The following DNAJB4 variants were observed in gnomAD, a reference collection of about 807,000 sequenced individuals.
DNAJB4 encodes dnaJ homolog subfamily B member 4.
A neutral mutation model predicts 26.6 loss-of-function variants in DNAJB4; 10 were observed. The ratio of observed to expected loss-of-function variants is 0.38; its 90% CI spans 0.23 to 0.64. DNAJB4 has a LOEUF of 0.64. Among genes scored for constraint, DNAJB4 ranks in the 30% least tolerant of loss-of-function variants. The probability of loss-of-function intolerance (pLI) is 0.58; values close to 1 mark genes in which losing one functional copy is unlikely to be tolerated. For synonymous variants in DNAJB4, 136 were observed against 134.8 expected, an observed-to-expected ratio of 1.01 and a Z score of -0.06; for missense variants, 328 against 408.2, an observed-to-expected ratio of 0.80 and a Z score of 1.69.
rs182135679 is a variant in DNAJB4, at chr1:78,014,550, A to C, written c.780+931A>C. Reference sequence around the variant, plus strand: ...CTTAAAATAAGTCATTTTAAATCTGATGTCTACCCATAAAATGTATATGCA... The same window carrying C: ...CTTAAAATAAGTCATTTTAAATCTGCTGTCTACCCATAAAATGTATATGCA... On this transcript the variant is annotated intron_variant, in intron 2 of 2. Coordinates refer to ENST00000370763, the MANE Select transcript of DNAJB4 (RefSeq NM_007034.5). Among the ~76,000 whole-genome samples the C allele has an allele frequency of 2.5e-3, 386 of 152,256 alleles. 4 individuals carry two copies. The highest frequency in any genetic ancestry group is 9.0e-3 in the African/African-American group (372 of 41,534).
upstream of DNAJB4, among the ~76,000 whole-genome samples, chr1:78,000,598 T>C (rs1466475940): frequency 2.0e-5 from 3 of 152,224 alleles, no homozygotes; most frequent in African/African-American, 4.8e-5. Flanking sequence ...TAAAGCACTG[T>C]TAACAGAGTT....
Position 77,993,700 on chromosome 1 carries a change from G to C in DNAJB4, c.-31-11380G>C, listed in dbSNP as rs78278019. On this transcript the variant is annotated intron_variant, in intron 1 of 2. Coordinates refer to the DNAJB4 transcript ENST00000426517. ...GTTACATGTAACAGTATAGCACAGTGGGGTCTCAGTAATGGTTGGCTTGAT... is the reference window on the plus strand; with the variant it reads ...GTTACATGTAACAGTATAGCACAGTCGGGTCTCAGTAATGGTTGGCTTGAT... Among the ~76,000 whole-genome samples, 997 of 152,210 alleles carry C rather than the reference G, an allele frequency of 6.6e-3. 48 individuals carry two copies. The East Asian group carries it at 0.098, about 15-fold the overall frequency.
At chr1:77,996,649 G>A (rs1660066223) in intron 1 of DNAJB4, among the ~76,000 whole-genome samples, 1 of 151,864 alleles carries the variant, frequency 6.6e-6, no homozygotes. Context: ...AGTGCTTCGG[G>A]GAAAGTATTA....
chr1:77,999,926 G>A (rs1471997366), intron 1 of DNAJB4, among the ~76,000 whole-genome samples: 2 of 152,194 alleles, frequency 1.3e-5, no homozygotes. Flanking sequence ...ACTGAGATAT[G>A]TGAGGCATCA....
intron 2 of DNAJB4, among the ~76,000 whole-genome samples, chr1:78,015,486 A>C (rs1284491448): frequency 8.7e-6 from 1 of 114,388 alleles, no homozygotes; most frequent in African/African-American, 3.3e-5. Flanking sequence ...CTAATAATGC[A>C]TGTCCTGAAG....
chr1:78,008,206 AG>A (rs1299634354), intron 1 of DNAJB4, among the ~76,000 whole-genome samples: 3 of 152,350 alleles, frequency 2.0e-5, no homozygotes, highest in African/African-American at 7.2e-5. Context: ...AGCAAAGGAA[AG>A]AAAAAAAATA....
chr1:78,001,215 C>T (rs951918440), upstream of DNAJB4, among the ~76,000 whole-genome samples: 2 of 151,926 alleles, frequency 1.3e-5, no homozygotes, highest in Non-Finnish European at 2.9e-5. Flanking sequence ...TTGCATTGGC[C>T]TGTAGTCCCA....
chr1:77,985,485 T>C (rs1475728525), intron 1 of DNAJB4, among the ~76,000 whole-genome samples: 6 of 152,224 alleles, frequency 3.9e-5, no homozygotes, highest in African/African-American at 1.4e-4. Flanking sequence ...TTCTATGGTT[T>C]ATCATAATCA....
chr1:77,992,558 TATG>T (rs1659958676), intron 1 of DNAJB4, among the ~76,000 whole-genome samples: 1 of 151,782 alleles, frequency 6.6e-6, no homozygotes, highest in Non-Finnish European at 1.5e-5. Flanking sequence ...AATACAGAGG[TATG>T]ATTATTAAAC....
rs867307100 is a variant in DNAJB4, at chr1:78,016,143, C to A, written c.910C>A (p.Pro304Thr). ...ATATGGGCTGCCATTTCCAAAAAAT[C>A]CTGACCAACGTGGTGACCTTCTAAT... ...IGYGLPFPKN[P>T]DQRGDLLIEF... Residue 304 changes from proline to threonine, a missense_variant, in exon 3 of 3, where the codon CCT (proline) becomes ACT (threonine). Coordinates refer to ENST00000370763, the MANE Select transcript of DNAJB4 (RefSeq NM_007034.5). The A allele has an allele frequency of 6.2e-7, 1 of 1,614,114 alleles. No individual in the cohort carries two copies.
intron 1 of DNAJB4, among the ~76,000 whole-genome samples, chr1:77,981,499 A>C (rs1036530162): frequency 7.9e-5 from 12 of 152,030 alleles, no homozygotes; most frequent in African/African-American, 2.7e-4. Flanking sequence ...TTTTTAGTAG[A>C]GACAGTGTTT....
chr1:77,992,216 A>G (rs1659946455), intron 1 of DNAJB4, among the ~76,000 whole-genome samples: 1 of 151,760 alleles, frequency 6.6e-6, no homozygotes, highest in South Asian at 2.1e-4. Flanking sequence ...GATCGAGACC[A>G]TCCCGGCTAA....
intron 2 of DNAJB4, 140 bp from the exon 3 acceptor site, chr1:78,015,874 A>G: frequency 1.2e-6 from 1 of 812,718 alleles, no homozygotes; most frequent in Non-Finnish European, 1.9e-6. Flanking sequence ...TAATGAGGAA[A>G]AAAAATTTAT....
chr1:78,003,619 T>C (rs1282032562), upstream of DNAJB4, among the ~76,000 whole-genome samples: 1 of 152,224 alleles, frequency 6.6e-6, no homozygotes, highest in Non-Finnish European at 1.5e-5. Context: ...TTATTTGGAC[T>C]GTGTGCAATT....
intron 1 of DNAJB4, among the ~76,000 whole-genome samples, chr1:77,988,494 A>G (rs1659853541): frequency 1.3e-5 from 2 of 152,148 alleles, no homozygotes; most frequent in South Asian, 4.1e-4. Flanking sequence ...TTCTCTGACC[A>G]TCTTTCAACC....
intron 1 of DNAJB4, among the ~76,000 whole-genome samples, chr1:77,984,646 AAG>A (rs1224197611): frequency 2.0e-5 from 3 of 152,184 alleles, no homozygotes; most frequent in African/African-American, 2.4e-5. Flanking sequence ...CTCTGTATAA[AAG>A]AGGGCTTGTC....
chr1:78,004,653 C>T (rs1342916031), upstream of DNAJB4: 1 of 160,596 alleles, frequency 6.2e-6, no homozygotes, highest in African/African-American at 2.4e-5. Context: ...GTATGGAGTA[C>T]ATAAATATAT....
chr1:78,015,044 G>T (rs760448426), intron 2 of DNAJB4, among the ~76,000 whole-genome samples: 15 of 151,972 alleles, frequency 9.9e-5, no homozygotes, highest in Non-Finnish European at 1.9e-4. Flanking sequence ...GGTTAAGTTG[G>T]GTGCTCTTTC....
intron 2 of DNAJB4, among the ~76,000 whole-genome samples, chr1:78,015,263 T>G (rs1660603517): frequency 6.6e-6 from 1 of 152,204 alleles, no homozygotes; most frequent in African/African-American, 2.4e-5. Flanking sequence ...AATATATTTC[T>G]TGTCCTAATA....
Sources: allele counts gnomAD v4.1 joint callset (sites outside exome capture counted in the v4.1 genomes callset), GRCh38; gene constraint gnomAD v4.1.1; transcripts MANE v1.5; gene names NCBI Gene and HGNC (gene_info 2026-07-23, HGNC 2026-07-21).